MAPK12: variants seen among roughly 807,000 people sequenced by gnomAD.
The protein encoded by MAPK12 is MAP kinase 12.
Under a neutral mutation model 49.1 loss-of-function variants are expected in MAPK12, and 49 were observed. The ratio of observed to expected loss-of-function variants is 1.00; its 90% CI spans 0.79 to 1.27. The LOEUF (loss-of-function observed/expected upper bound fraction) is 1.27, where lower values mean the gene tolerates loss of function less well. Among genes scored for constraint, MAPK12 ranks in the 50% most tolerant of loss-of-function variants. The pLI is 0.00. For synonymous variants in MAPK12, 251 were observed against 209.7 expected (o/e 1.20, Z -1.70); for missense variants, 554 against 502.4 (o/e 1.10, Z -0.98).
chr22:50,257,341 C>T (rs569067192), intron 3 of MAPK12, 148 bp from the exon 4 acceptor site: 2 of 640,652 alleles, frequency 3.1e-6, no homozygotes, highest in African/African-American at 1.8e-5. Context: ...ACACTGGCCT[C>T]GGTGTCCTCG....
Position 50,257,535 on chromosome 22 carries a change from G to A in MAPK12, c.315-342C>T, listed in dbSNP as rs2147259037. 5.7e-6 allele frequency: 3 copies of A among 525,546 alleles called. No individual in the cohort carries two copies. In the South Asian group the frequency reaches 6.4e-5, roughly 11 times the overall value. The allele number at this position is 525,546 out of a possible 1,614,324, so 32.6% of individuals were successfully genotyped here. ...TGAGGCTCCATGGTAGAGGCAGCAG[G>A]ACTCGAGTCTTCACAGGCAGGGGAG... On this transcript the variant is annotated intron_variant, in intron 3 of 11. Coordinates refer to ENST00000215659, the MANE Select transcript of MAPK12 (RefSeq NM_002969.6).
At position 50,256,174 on chromosome 22, in the gene MAPK12, TG is replaced by T. The variant is rs1250441272; in HGVS notation, c.529del (p.Gln177ArgfsTer6). 2 of 1,612,584 alleles carry T rather than the reference TG, an allele frequency of 1.2e-6. No homozygotes were observed. ...GTACCCAGTCATCTCACTGTCTGCC[TG>T]CCTGGCCAGGCCGAAGTCCAGGATC... ...LKILDFGLAR[Q>X]ADSEMTGYVV... On this transcript the variant is annotated frameshift_variant, in exon 7 of 12. Transcript: ENST00000215659. LOFTEE classifies it high-confidence loss of function.
At chr22:50,259,663 A>G (rs1197513039) in intron 2 of MAPK12, among the ~76,000 whole-genome samples, 2 of 152,094 alleles carry the variant, frequency 1.3e-5, no homozygotes, top group South Asian at 2.1e-4. Context: ...CGAGCAGATC[A>G]CTTGAGGTCA....
chr22:50,256,014 G>A (rs974645002), intron 7 of MAPK12, 71 bp downstream of exon 7: 7 of 1,529,038 alleles, frequency 4.6e-6, no homozygotes, highest in South Asian at 3.5e-5. Flanking sequence ...GCCACCACAG[G>A]GCTGTCCGTG....
intron 2 of MAPK12, among the ~76,000 whole-genome samples, chr22:50,259,583 A>G (rs2065188003): frequency 6.6e-6 from 1 of 152,078 alleles, no homozygotes; most frequent in Non-Finnish European, 1.5e-5. Flanking sequence ...GGCGGTGGCT[A>G]AAGAAAAGCC....
chr22:50,256,831 G>A lies in MAPK12; in HGVS notation c.456+104C>T, dbSNP rs1347676317. 2.9e-5 allele frequency: 45 copies of A among 1,538,008 alleles called. 1 individual carries two copies. The highest frequency in any genetic ancestry group is 1.6e-4 in the South Asian group (13 of 80,840). ...TCCCACCAGGGGCTGTGCATAGGGC[G>A]TGGCTCAGCACCCAGACCCCATCAC... On this transcript the variant is annotated intron_variant, in intron 5 of 11. Transcript: ENST00000215659.
rs908402917 is a variant in MAPK12, at chr22:50,252,939, C to T, written c.*462G>A. ...AAGGGTCTATTTCCTTCCAGCCACG[C>T]GGGCACCACACAGCTGATTTACATT... On this transcript the variant is annotated 3_prime_UTR_variant, in exon 12 of 12. Coordinates refer to ENST00000215659, the MANE Select transcript of MAPK12 (RefSeq NM_002969.6). 61 of 239,148 alleles carry T rather than the reference C, an allele frequency of 2.6e-4. No individual in the cohort carries two copies. The highest frequency in any genetic ancestry group is 1.5e-3 in the Middle Eastern group (1 of 648). 14.8% of individuals were successfully genotyped at this position (239,148 alleles called of 1,614,324 possible). A position where few individuals can be genotyped will look rare whatever the true frequency, so the allele number is the denominator to read the frequency against.
intron 11 of MAPK12, 35 bp from the exon 12 acceptor site, chr22:50,253,515 G>A (rs1339381492): frequency 7.4e-6 from 7 of 941,694 alleles, no homozygotes; most frequent in East Asian, 2.6e-5. Flanking sequence ...CAACAGAGAG[G>A]GGGGTCAGCC....
Position 50,253,328 on chromosome 22 carries a change from G to C in MAPK12, c.*73C>G, listed in dbSNP as rs1186545682. 8.9e-7 allele frequency: 1 copy of C among 1,122,090 alleles called. No homozygotes were observed. The highest frequency in any genetic ancestry group is 1.3e-6 in the Non-Finnish European group (1 of 756,194). The allele number at this position is 1,122,090 out of a possible 1,614,324, so 69.5% of individuals were successfully genotyped here. A position where few individuals can be genotyped will look rare whatever the true frequency, so the allele number is the denominator to read the frequency against. ...GGATGCAAGCCCCAGCCAAGGTCAA[G>C]GTGGCAACGAGAGTCCCCTCTCAGG... On this transcript the variant is annotated 3_prime_UTR_variant, in exon 12 of 12. Coordinates refer to ENST00000215659, the MANE Select transcript of MAPK12 (RefSeq NM_002969.6).
In MAPK12 at chr22:50,255,042, G is replaced by A. The variant is rs777351294; in HGVS notation, c.1024+155C>T. On this transcript the variant is annotated intron_variant, in intron 11 of 11. Coordinates refer to ENST00000215659, the MANE Select transcript of MAPK12 (RefSeq NM_002969.6). Reference sequence around the variant, plus strand: ...GACTCTGAGCCTGGCCACCTGCACAGGGCCCACAGGGTCCACACAGGCCCT... The same window carrying A: ...GACTCTGAGCCTGGCCACCTGCACAAGGCCCACAGGGTCCACACAGGCCCT... The A allele has an allele frequency of 5.3e-6, 8 of 1,501,588 alleles. No individual in the cohort carries two copies. In the Admixed American group the frequency reaches 1.7e-4, roughly 31 times the overall value. The allele number at this position is 1,501,588 out of a possible 1,614,324, so 93.0% of individuals were successfully genotyped here. A position where few individuals can be genotyped will look rare whatever the true frequency, so the allele number is the denominator to read the frequency against.
In MAPK12 at chr22:50,256,659, G is replaced by T; in HGVS notation, c.457-13C>A. ...CGGGCTTCAGGTCCTGGGGGCAGAG[G>T]AAAGGTGGCCACTGTGCCCCACCCT... On this transcript the variant is annotated splice_polypyrimidine_tract_variant and intron_variant, in intron 5 of 11. Coordinates refer to ENST00000215659, the MANE Select transcript of MAPK12 (RefSeq NM_002969.6). The T allele has an allele frequency of 5.0e-6, 8 of 1,607,804 alleles. No homozygotes were observed. Among genetic ancestry groups the T allele is most frequent in the Non-Finnish European group, 5.9e-6 (7 of 1,177,280 alleles).
intron 2 of MAPK12, among the ~76,000 whole-genome samples, chr22:50,259,577 G>A (rs981800123): frequency 6.6e-6 from 1 of 152,176 alleles, no homozygotes; most frequent in Non-Finnish European, 1.5e-5. Context: ...CAGCGGGGCG[G>A]TGGCTAAAGA....
At chr22:50,254,215 G>C (rs754935541) in intron 11 of MAPK12, 3 of 152,886 alleles carry the variant, frequency 2.0e-5, no homozygotes, top group Non-Finnish European at 4.4e-5. Context: ...CCAAGTTGAG[G>C]GGATAGCCCC....
Position 50,256,212 on chromosome 22 carries a change from T to C in MAPK12, c.505-13A>G, listed in dbSNP as rs746639098. The stretch of plus-strand genomic sequence containing the variant: ...CGAAGTCCAGGATCTGTGGGAAGAA[T>C]TGGGGAGGTGGGTTCTAGGGGACTC... On this transcript the variant is annotated splice_polypyrimidine_tract_variant and intron_variant, in intron 6 of 11. Transcript: ENST00000215659. 11 of 1,601,134 alleles carry C rather than the reference T, an allele frequency of 6.9e-6. No individual in the cohort carries two copies. The highest frequency in any genetic ancestry group is 8.5e-6 in the Non-Finnish European group (10 of 1,169,830).
At chr22:50,261,095 G>A (rs2065207678) in intron 2 of MAPK12, 72 bp downstream of exon 2, 1 of 1,427,566 alleles carries the variant, frequency 7.0e-7, no homozygotes, top group East Asian at 3.0e-5. Flanking sequence ...GGGTTGCCGG[G>A]TGGGGGAACC....
At chr22:50,258,210 C>A in intron 3 of MAPK12, 33 bp downstream of exon 3, 3 of 1,609,770 alleles carry the variant, frequency 1.9e-6, no homozygotes, top group Non-Finnish European at 1.7e-6. Context: ...CAACACCCCT[C>A]GTGCCCAGCG....
intron 3 of MAPK12, chr22:50,257,526 A>T (rs1569143009): frequency 1.7e-5 from 9 of 519,748 alleles, no homozygotes; most frequent in Non-Finnish European, 1.0e-5. Context: ...TCCATGGTAG[A>T]GGCAGCAGGA....
rs1601643040 is a variant in MAPK12 at position 50,257,266 on chromosome 22, C to G, written c.315-73G>C. 6 of 1,226,332 alleles carry G rather than the reference C, an allele frequency of 4.9e-6. No homozygotes were observed. In the East Asian group the frequency reaches 1.2e-4, roughly 25 times the overall value. The allele number at this position is 1,226,332 out of a possible 1,614,324, so 76.0% of individuals were successfully genotyped here. A position where few individuals can be genotyped will look rare whatever the true frequency, so the allele number is the denominator to read the frequency against. ...ATCCCAGAGACCCACCCAGCAGGCCCAGGCTCAGACCCGTCCCGGATCCAA... is the reference window on the plus strand; with the variant it reads ...ATCCCAGAGACCCACCCAGCAGGCCGAGGCTCAGACCCGTCCCGGATCCAA... On this transcript the variant is annotated intron_variant, in intron 3 of 11. Coordinates refer to ENST00000215659, the MANE Select transcript of MAPK12 (RefSeq NM_002969.6).
chr22:50,255,159 T>TG (rs762372984), intron 11 of MAPK12, 38 bp downstream of exon 11: 15 of 1,608,490 alleles, frequency 9.3e-6, no homozygotes, highest in Non-Finnish European at 1.3e-5. Context: ...GCCCCCCACT[T>TG]GGGTCCACAC....
Sources: gnomAD v4.1 joint callset for allele counts (sites outside exome capture counted in the v4.1 genomes callset) on GRCh38, gnomAD v4.1.1 for gene constraint, MANE v1.5 for transcripts, NCBI Gene and HGNC (gene_info 2026-07-23, HGNC 2026-07-21) for gene names.